Variants in KIF4A observed in about 807,000 individuals in gnomAD.
The protein encoded by KIF4A is chromosome-associated kinesin KIF4A.
KIF4A carries 7 observed loss-of-function variants against 105.9 expected under a neutral mutation model. That is an observed-to-expected ratio of 0.07 (90% CI 0.04 to 0.12). The LOEUF (loss-of-function observed/expected upper bound fraction) is 0.12, where lower values mean the gene tolerates loss of function less well. KIF4A is among the 10% of genes least tolerant of loss of function. The pLI, the probability that KIF4A is intolerant of heterozygous loss-of-function variation, is 1.00. For synonymous variants in KIF4A, 281 were observed against 331.3 expected (o/e 0.85, Z 1.65); for missense variants, 558 against 929.2 (o/e 0.60, Z 5.19).
intron 28 of KIF4A, chrX:70,415,607 C>CAAAAA (rs59326448): frequency 2.1e-4 from 17 of 80,568 alleles, no homozygotes; most frequent in African/African-American, 7.4e-4. Context: ...ACCCTGTCTC[C>CAAAAA]AAAAAAAAAA....
At chrX:70,402,211 G>A (rs930710131) in intron 22 of KIF4A, among the ~76,000 whole-genome samples, 1 of 111,562 alleles carries the variant, frequency 9.0e-6, no homozygotes, top group South Asian at 3.8e-4. Context: ...TTGCATGGGT[G>A]GACCATCATG....
At chrX:70,329,362 G>A (rs1479448668) in intron 7 of KIF4A, 43 bp from the exon 8 acceptor site, 6 of 1,080,205 alleles carry the variant, frequency 5.6e-6, no homozygotes, top group Non-Finnish European at 7.7e-6. Context: ...GGTATATGTT[G>A]GATGCATTAC....
chrX:70,348,440 A>C (rs1318570744), intron 13 of KIF4A, among the ~76,000 whole-genome samples: 7 of 111,266 alleles, frequency 6.3e-5, no homozygotes, highest in African/African-American at 2.3e-4. Context: ...AGTGGAGAGA[A>C]GGTTGGCAGA....
intron 25 of KIF4A, 122 bp downstream of exon 25, chrX:70,404,944 T>C: frequency 2.2e-6 from 1 of 462,961 alleles, no homozygotes. Flanking sequence ...TTTATAATGG[T>C]AGCCTCTACT....
In KIF4A at chrX:70,420,264, G is replaced by A. The variant is rs1422012366; in HGVS notation, c.3698G>A (p.Ter1233=). 20 of 1,201,999 alleles carry A rather than the reference G, an allele frequency of 1.7e-5. No individual in the cohort carries two copies. Among genetic ancestry groups the A allele is most frequent in the Non-Finnish European group, 2.2e-5 (20 of 892,429 alleles). ...TCCCCTATCGAAGAAGAGGCCCACT[G>A]AAGTTGGAGTCATCATCTCTACCCC... is the stretch of plus-strand genomic sequence containing the variant. The part of the protein sequence containing the change: ...GCSPIEEEAH[*] The change falls in exon 31 of 31, where the codon TGA becomes TAA. Residue 1233 remains the stop codon, a stop_retained_variant. Coordinates refer to ENST00000374403, the MANE Select transcript of KIF4A (RefSeq NM_012310.5).
intron 7 of KIF4A, among the ~76,000 whole-genome samples, chrX:70,304,553 A>G (rs1278502356): frequency 1.8e-5 from 2 of 110,289 alleles, no homozygotes; most frequent in Non-Finnish European, 3.8e-5. Context: ...TACATTTCAT[A>G]TAAATGTAAT....
intron 18 of KIF4A, among the ~76,000 whole-genome samples, chrX:70,378,869 A>AT (rs2086185715): frequency 9.0e-6 from 1 of 110,924 alleles, no homozygotes; most frequent in Non-Finnish European, 1.9e-5. Context: ...AGAAAAAAAA[A>AT]GAGGCCAGGC....
intron 15 of KIF4A, among the ~76,000 whole-genome samples, chrX:70,364,867 C>T (rs1239013864): frequency 9.0e-6 from 1 of 111,639 alleles, no homozygotes; most frequent in Non-Finnish European, 1.9e-5. Context: ...ATTCTTCCTA[C>T]CCATGAGCAT....
chrX:70,408,431 C>G (rs2086308933), intron 28 of KIF4A, among the ~76,000 whole-genome samples: 1 of 112,118 alleles, frequency 8.9e-6, no homozygotes, highest in Non-Finnish European at 1.9e-5. Flanking sequence ...CAATGATAGT[C>G]CTACTCAAAC....
chrX:70,298,997 C>A lies in KIF4A; in HGVS notation c.427-116C>A, dbSNP rs561695449. The A allele has an allele frequency of 2.2e-5, 11 of 505,081 alleles. No individual in the cohort carries two copies. The South Asian group carries it at 4.3e-4, about 20-fold the overall frequency. The allele number at this position is 505,081 out of a possible 1,213,427, so 41.6% of individuals were successfully genotyped here. On this transcript the variant is annotated intron_variant, in intron 4 of 30. Coordinates refer to ENST00000374403, the MANE Select transcript of KIF4A (RefSeq NM_012310.5). ...ACAAGTAATACATGTTCATTATGAACAAATGTTTAAATATAGAAAGTCACA... is the reference window on the plus strand; with the variant it reads ...ACAAGTAATACATGTTCATTATGAAAAAATGTTTAAATATAGAAAGTCACA...
chrX:70,386,521 C>T (rs2086218128), intron 18 of KIF4A, 97 bp from the exon 19 acceptor site: 1 of 615,593 alleles, frequency 1.6e-6, no homozygotes, highest in East Asian at 3.5e-5. Flanking sequence ...TTGTAGTTAA[C>T]CTTACAAATC....
intron 23 of KIF4A, among the ~76,000 whole-genome samples, chrX:70,403,560 C>T (rs1263699006): frequency 2.7e-5 from 3 of 112,850 alleles, no homozygotes; most frequent in Admixed American, 9.4e-5. Flanking sequence ...TTGTCAGATA[C>T]TATTCGGGTT....
chrX:70,298,038 G>C (rs1269336536), intron 4 of KIF4A, among the ~76,000 whole-genome samples: 2 of 109,380 alleles, frequency 1.8e-5, no homozygotes, highest in East Asian at 6.0e-4. Flanking sequence ...TGGGAGGCCA[G>C]GGCGGGAGGA....
chrX:70,350,674 G>A (rs1368200946), intron 13 of KIF4A, among the ~76,000 whole-genome samples: 1 of 111,401 alleles, frequency 9.0e-6, no homozygotes, highest in Non-Finnish European at 1.9e-5. Flanking sequence ...GAAAGAGCGA[G>A]ACTCTGTCTC....
intron 22 of KIF4A, among the ~76,000 whole-genome samples, chrX:70,402,085 G>T (rs1204879862): frequency 1.8e-5 from 2 of 111,564 alleles, no homozygotes; most frequent in Non-Finnish European, 3.8e-5. Context: ...GGCACATCAA[G>T]ATAACCTCTC....
intron 7 of KIF4A, among the ~76,000 whole-genome samples, chrX:70,303,958 C>CT (rs1374894806): frequency 1.0e-5 from 1 of 96,127 alleles, no homozygotes; most frequent in African/African-American, 3.9e-5. Context: ...TATTATTATA[C>CT]TTTAAGTTTT....
At chrX:70,305,756 G>A (rs2085824302) in intron 7 of KIF4A, among the ~76,000 whole-genome samples, 1 of 111,798 alleles carries the variant, frequency 8.9e-6, no homozygotes, top group African/African-American at 3.3e-5. Flanking sequence ...TTAACCTTTT[G>A]AAGAACTACC....
chrX:70,382,964 C>G, intron 18 of KIF4A, among the ~76,000 whole-genome samples: 1 of 110,932 alleles, frequency 9.0e-6, no homozygotes, highest in African/African-American at 3.3e-5. Context: ...GCGGGCGGAT[C>G]ACCTGAGGTC....
chrX:70,402,329 C>A (rs1284649856), intron 22 of KIF4A, among the ~76,000 whole-genome samples: 1 of 112,127 alleles, frequency 8.9e-6, no homozygotes, highest in Non-Finnish European at 1.9e-5. Context: ...CTTTATGACC[C>A]ATTTATTTCA....
Sources: allele counts gnomAD v4.1 joint callset (sites outside exome capture counted in the v4.1 genomes callset), GRCh38; gene constraint gnomAD v4.1.1; transcripts MANE v1.5; gene names NCBI Gene and HGNC (gene_info 2026-07-23, HGNC 2026-07-21).